The following GABRB1 variants were observed in gnomAD, a reference collection of about 807,000 sequenced individuals.
GABRB1 encodes the protein gamma-aminobutyric acid type A receptor subunit beta1.
A neutral mutation model predicts 51.6 loss-of-function variants in GABRB1; 17 were observed. That is an observed-to-expected ratio of 0.33 (90% CI 0.23 to 0.49). The LOEUF is 0.49. GABRB1 is among the 20% of genes least tolerant of loss of function. The pLI is 0.99. For missense variants in GABRB1, 410 were observed against 600.6 expected, an observed-to-expected ratio of 0.68 and a Z score of 3.32; for synonymous variants, 247 against 218.9, an observed-to-expected ratio of 1.13 and a Z score of -1.14.
At chr4:47,330,338 A>G (rs908483329) in intron 5 of GABRB1, among the ~76,000 whole-genome samples, 1 of 152,220 alleles carries the variant, frequency 6.6e-6, no homozygotes, top group Non-Finnish European at 1.5e-5. Flanking sequence ...CCAAGTTGAC[A>G]CATAAAGTTA....
chr4:47,389,092 G>A (rs1472102908), intron 5 of GABRB1, among the ~76,000 whole-genome samples: 1 of 152,164 alleles, frequency 6.6e-6, no homozygotes, highest in Non-Finnish European at 1.5e-5. Context: ...AAGATTGGGT[G>A]TTTGGTGGGC....
At chr4:47,351,900 T>C (rs1190571808) in intron 5 of GABRB1, among the ~76,000 whole-genome samples, 7 of 152,042 alleles carry the variant, frequency 4.6e-5, no homozygotes, top group Non-Finnish European at 8.8e-5. Flanking sequence ...AACAGCATGA[T>C]TTATAGTCCT....
At chr4:47,394,823 G>T (rs958739845) in intron 5 of GABRB1, among the ~76,000 whole-genome samples, 9 of 151,716 alleles carry the variant, frequency 5.9e-5, no homozygotes, top group Non-Finnish European at 1.3e-4. Context: ...TTTATCTCAT[G>T]GGCATGGTGA....
intron 3 of GABRB1, among the ~76,000 whole-genome samples, chr4:47,077,979 A>T (rs1296543292): frequency 2.6e-5 from 1 of 37,898 alleles, no homozygotes; most frequent in South Asian, 8.9e-4. Context: ...TTTTATATAT[A>T]ATATATAATA....
intron 5 of GABRB1, among the ~76,000 whole-genome samples, chr4:47,374,215 G>C (rs1028640821): frequency 1.3e-5 from 2 of 151,880 alleles, no homozygotes; most frequent in Admixed American, 1.3e-4. Flanking sequence ...GGTGAAACCT[G>C]GTCTCTACAA....
At chr4:47,140,093 AACACACACACACACACACAC>A (rs67749563) in intron 3 of GABRB1, among the ~76,000 whole-genome samples, 49 of 135,412 alleles carry the variant, frequency 3.6e-4, no homozygotes, top group South Asian at 1.3e-3. Context: ...AAATTAAATT[AACACACACACACACACACAC>A]ACACACACAC....
chr4:47,425,569 G>C, intron 8 of GABRB1, 105 bp from the exon 9 acceptor site: 1 of 847,220 alleles, frequency 1.2e-6, no homozygotes, highest in East Asian at 2.5e-5. Flanking sequence ...AGATGTTTAG[G>C]AACACAGTGT....
intron 3 of GABRB1, among the ~76,000 whole-genome samples, chr4:47,147,964 C>A (rs1267274737): frequency 1.3e-5 from 2 of 151,904 alleles, no homozygotes; most frequent in East Asian, 3.9e-4. Context: ...ACCTTGGGAG[C>A]AACATGATCA....
At chr4:47,320,295 A>G (rs751734956) in intron 5 of GABRB1, 86 bp downstream of exon 5, 2 of 857,478 alleles carry the variant, frequency 2.3e-6, no homozygotes, top group Non-Finnish European at 4.0e-6. Flanking sequence ...AATTAGCACC[A>G]GGATTTTCTA....
At chr4:47,422,023 T>G (rs1181288222) in intron 8 of GABRB1, among the ~76,000 whole-genome samples, 1 of 152,122 alleles carries the variant, frequency 6.6e-6, no homozygotes, top group East Asian at 1.9e-4. Context: ...TCAAATTTCA[T>G]GCACATGACT....
intron 4 of GABRB1, among the ~76,000 whole-genome samples, chr4:47,177,544 G>A (rs1718751036): frequency 6.6e-6 from 1 of 152,022 alleles, no homozygotes; most frequent in African/African-American, 2.4e-5. Context: ...TGTGAAAAAT[G>A]TTCACTCTAA....
chr4:47,184,426 G>A (rs562837681), intron 4 of GABRB1, among the ~76,000 whole-genome samples: 22 of 151,936 alleles, frequency 1.4e-4, no homozygotes, highest in Middle Eastern at 3.4e-3. Flanking sequence ...ATGGAAGGAC[G>A]GGGAAATGAT....
At chr4:47,204,825 C>T (rs1242578091) in intron 4 of GABRB1, among the ~76,000 whole-genome samples, 1 of 152,106 alleles carries the variant, frequency 6.6e-6, no homozygotes, top group Non-Finnish European at 1.5e-5. Flanking sequence ...TCCATTAAAC[C>T]TTTTTCCTTT....
chr4:47,314,515 A>T (rs1442556563), intron 4 of GABRB1, among the ~76,000 whole-genome samples: 1 of 152,040 alleles, frequency 6.6e-6, no homozygotes, highest in Admixed American at 6.6e-5. Context: ...AATGGACTAA[A>T]TAAAGTGAGA....
At chr4:47,101,737 C>T (rs1714733664) in intron 3 of GABRB1, among the ~76,000 whole-genome samples, 1 of 151,938 alleles carries the variant, frequency 6.6e-6, no homozygotes, top group African/African-American at 2.4e-5. Context: ...AACATCACAG[C>T]AAGATGAAAA....
At chr4:47,360,871 C>T (rs767178969) in intron 5 of GABRB1, among the ~76,000 whole-genome samples, 1 of 152,018 alleles carries the variant, frequency 6.6e-6, no homozygotes, top group Non-Finnish European at 1.5e-5. Context: ...TAATAATAAT[C>T]CCAATTTTTG....
intron 4 of GABRB1, among the ~76,000 whole-genome samples, chr4:47,212,035 T>A (rs1720376905): frequency 6.6e-6 from 1 of 152,158 alleles, no homozygotes; most frequent in Admixed American, 6.6e-5. Flanking sequence ...AGGACAAGGA[T>A]ATCTTTAGGG....
upstream of GABRB1, among the ~76,000 whole-genome samples, chr4:47,029,047 A>G (rs1271474038): frequency 6.6e-6 from 1 of 151,644 alleles, no homozygotes; most frequent in Non-Finnish European, 1.5e-5. Flanking sequence ...TAGACATTCA[A>G]CTATTTTGAC....
At chr4:47,336,761 T>C (rs575395717) in intron 5 of GABRB1, among the ~76,000 whole-genome samples, 3 of 152,092 alleles carry the variant, frequency 2.0e-5, no homozygotes, top group South Asian at 2.1e-4. Context: ...AAAGTCTAAA[T>C]GGAGTGGATG....
Sources: allele counts gnomAD v4.1 joint callset (sites outside exome capture counted in the v4.1 genomes callset), GRCh38; gene constraint gnomAD v4.1.1; transcripts MANE v1.5; gene names NCBI Gene and HGNC (gene_info 2026-07-23, HGNC 2026-07-21).